The following DLG2 variants were observed in gnomAD, a reference collection of about 807,000 sequenced individuals.
DLG2 encodes disks large homolog 2.
DLG2 carries 45 observed loss-of-function variants against 132.5 expected under a neutral mutation model. That is an observed-to-expected ratio of 0.34 (90% confidence interval 0.27 to 0.44). DLG2 has a LOEUF of 0.44. DLG2 is among the 20% of genes least tolerant of loss of function. The probability of loss-of-function intolerance (pLI) is 1.00; values close to 1 mark genes in which losing one functional copy is unlikely to be tolerated. For missense variants in DLG2, 1,045 were observed against 1,196.9 expected (o/e 0.87, Z 1.87); for synonymous variants, 424 against 419.6 (o/e 1.01, Z -0.13).
chr11:85,278,253 A>G (rs2152747931), intron 4 of DLG2, among the ~76,000 whole-genome samples: 1 of 152,348 alleles, frequency 6.6e-6, no homozygotes, highest in African/African-American at 2.4e-5. Context: ...TCTGCAAATT[A>G]TAAGTAATAC....
At chr11:84,802,505 G>A (rs763494409) in intron 6 of DLG2, among the ~76,000 whole-genome samples, 2 of 152,094 alleles carry the variant, frequency 1.3e-5, no homozygotes, top group African/African-American at 2.4e-5. Flanking sequence ...AGGAGCTACG[G>A]TTATGGAGTG....
At chr11:84,359,591 C>T (rs1567397794) in intron 7 of DLG2, among the ~76,000 whole-genome samples, 1 of 151,762 alleles carries the variant, frequency 6.6e-6, no homozygotes, top group African/African-American at 2.4e-5. Context: ...TAAGGAGAAA[C>T]AATTCTCATA....
At chr11:84,631,298 T>TAATG (rs1402568471) in intron 6 of DLG2, among the ~76,000 whole-genome samples, 1 of 152,054 alleles carries the variant, frequency 6.6e-6, no homozygotes, top group South Asian at 2.1e-4. Context: ...AATGTTTATC[T>TAATG]AATGAATGAA....
intron 19 of DLG2, among the ~76,000 whole-genome samples, chr11:83,549,581 G>A (rs1697307928): frequency 6.6e-6 from 1 of 152,148 alleles, no homozygotes; most frequent in African/African-American, 2.4e-5. Flanking sequence ...TTTTACAAAT[G>A]TGACATAAAA....
chr11:83,683,748 C>T (rs2079220890), intron 18 of DLG2, among the ~76,000 whole-genome samples: 1 of 152,126 alleles, frequency 6.6e-6, no homozygotes, highest in East Asian at 1.9e-4. Flanking sequence ...ATTTCTGCCA[C>T]ACCTTCTCCC....
At chr11:83,878,968 A>G (rs140980805) in intron 15 of DLG2, among the ~76,000 whole-genome samples, 206 of 152,236 alleles carry the variant, frequency 1.4e-3, no homozygotes, top group African/African-American at 4.3e-3. Flanking sequence ...AAAATTGAGG[A>G]AGTGCACAAT....
intron 18 of DLG2, among the ~76,000 whole-genome samples, chr11:83,642,975 TA>T (rs201125076): frequency 2.0e-5 from 3 of 151,228 alleles, no homozygotes; most frequent in African/African-American, 7.3e-5. Context: ...AATAAATGAA[TA>T]AAAAAAAACC....
chr11:85,508,817 T>G (rs1033914345), intron 3 of DLG2, among the ~76,000 whole-genome samples: 1 of 152,042 alleles, frequency 6.6e-6, no homozygotes, highest in Admixed American at 6.6e-5. Flanking sequence ...GACAGTAAAA[T>G]AGCACCTAGC....
chr11:84,286,223 T>C (rs568968977), intron 7 of DLG2, among the ~76,000 whole-genome samples: 31 of 152,190 alleles, frequency 2.0e-4, no homozygotes, highest in Non-Finnish European at 4.0e-4. Flanking sequence ...CCTAGCTCTA[T>C]ATCAAGGGCT....
chr11:84,247,878 T>C (rs1301525804), intron 8 of DLG2, among the ~76,000 whole-genome samples: 1 of 152,226 alleles, frequency 6.6e-6, no homozygotes, highest in African/African-American at 2.4e-5. Context: ...TACATTTACT[T>C]GCAATGAAAT....
intron 7 of DLG2, among the ~76,000 whole-genome samples, chr11:84,415,448 T>C (rs2098926088): frequency 6.6e-6 from 1 of 152,212 alleles, no homozygotes; most frequent in Admixed American, 6.5e-5. Context: ...CTATTCATCT[T>C]ATATAATCTT....
In DLG2 at chr11:84,087,337, T is replaced by C. The variant is rs1302881246; in HGVS notation, c.749+11586A>G. On this transcript the variant is annotated intron_variant, in intron 10 of 27. Transcript: ENST00000376104. ...CTTATACTGTCCATCTTTTTTATTA[T>C]AGCCATTCTTGTGGGTATAAAGTGG... Among the ~76,000 whole-genome samples the C allele has an allele frequency of 7.2e-5, 11 of 152,340 alleles. No individual in the cohort carries two copies. The East Asian group carries it at 2.1e-3, about 29-fold the overall frequency.
At chr11:84,787,462 C>T (rs982148406) in intron 6 of DLG2, among the ~76,000 whole-genome samples, 1 of 152,098 alleles carries the variant, frequency 6.6e-6, no homozygotes, top group African/African-American at 2.4e-5. Flanking sequence ...ACTCTCATAG[C>T]TCCACTACAA....
intron 18 of DLG2, among the ~76,000 whole-genome samples, chr11:83,655,731 C>T (rs2072189632): frequency 6.6e-6 from 1 of 152,166 alleles, no homozygotes; most frequent in African/African-American, 2.4e-5. Flanking sequence ...AAACAGCTCC[C>T]CACACCCATA....
intron 10 of DLG2, among the ~76,000 whole-genome samples, chr11:84,064,785 G>T (rs1368942233): frequency 6.6e-6 from 1 of 152,112 alleles, no homozygotes; most frequent in East Asian, 1.9e-4. Flanking sequence ...ATAAGAAAGG[G>T]AGGAAGAGAA....
chr11:83,852,460 A>G (rs2059939533), intron 16 of DLG2, among the ~76,000 whole-genome samples: 1 of 152,218 alleles, frequency 6.6e-6, no homozygotes, highest in South Asian at 2.1e-4. Flanking sequence ...AGAATTTCAG[A>G]AGTTTTCATG....
rs201070794 is a variant in DLG2, at chr11:84,502,072, TTTCC to T, written c.519+32494_519+32497del. On this transcript the variant is annotated intron_variant, in intron 7 of 27. Coordinates refer to ENST00000376104, the MANE Select transcript of DLG2 (RefSeq NM_001142699.3). ...TTTTCTTTTCTTTTTTTCTTTTCTT[TTTCC>T]TTCCTTCCTTCCTTCCTTTCTTTCT... Among the ~76,000 whole-genome samples the T allele has an allele frequency of 2.2e-3, 339 of 150,806 alleles. 2 individuals carry two copies. Among genetic ancestry groups the T allele is most frequent in the East Asian group, 6.1e-3 (30 of 4,956 alleles).
intron 7 of DLG2, among the ~76,000 whole-genome samples, chr11:84,445,193 AT>A (rs1337333551): frequency 2.6e-5 from 4 of 152,098 alleles, no homozygotes; most frequent in African/African-American, 9.7e-5. Context: ...CACCATTATC[AT>A]TTTTTGTTAT....
intron 18 of DLG2, among the ~76,000 whole-genome samples, chr11:83,753,557 A>G (rs1718036919): frequency 6.6e-6 from 1 of 151,052 alleles, no homozygotes; most frequent in African/African-American, 2.4e-5. Flanking sequence ...GGAGAAATGC[A>G]AAATTCATAC....
Sources: gnomAD v4.1 joint callset for allele counts (sites outside exome capture counted in the v4.1 genomes callset) on GRCh38, gnomAD v4.1.1 for gene constraint, MANE v1.5 for transcripts, NCBI Gene and HGNC (gene_info 2026-07-23, HGNC 2026-07-21) for gene names.